Variants in EBF1 observed in about 807,000 individuals in gnomAD.
The protein encoded by EBF1 is EBF transcription factor 1, also known as transcription factor COE1.
EBF1 carries 10 observed loss-of-function variants against 68.4 expected under a neutral mutation model. That is an observed-to-expected ratio of 0.15 (90% CI 0.09 to 0.25). The LOEUF (loss-of-function observed/expected upper bound fraction) is 0.25, where lower values mean the gene tolerates loss of function less well. EBF1 is among the 10% of genes least tolerant of loss of function. The probability of loss-of-function intolerance (pLI) is 1.00; values close to 1 mark genes in which losing one functional copy is unlikely to be tolerated. For missense variants in EBF1, 509 were observed against 794.4 expected (o/e 0.64, Z 4.32); for synonymous variants, 298 against 299.8 (o/e 0.99, Z 0.06).
chr5:158,992,106 A>G lies in EBF1; in HGVS notation c.554+81290T>C, dbSNP rs114666917. ...TGAAAAATCTTTTTGTTAATGGTAAAGCCATTTAAAGGAAAAAAGGAGGTT... is the reference window on the plus strand; with the variant it reads ...TGAAAAATCTTTTTGTTAATGGTAAGGCCATTTAAAGGAAAAAAGGAGGTT... On this transcript the variant is annotated intron_variant, in intron 6 of 15. Coordinates refer to ENST00000313708, the MANE Select transcript of EBF1 (RefSeq NM_024007.5). Among the ~76,000 whole-genome samples the G allele has an allele frequency of 4.1e-3, 622 of 152,242 alleles. 4 individuals carry two copies. Among genetic ancestry groups the G allele is most frequent in the African/African-American group, 0.014 (569 of 41,524 alleles).
intron 6 of EBF1, among the ~76,000 whole-genome samples, chr5:158,971,429 G>A (rs1054245668): frequency 1.3e-5 from 2 of 152,148 alleles, no homozygotes; most frequent in African/African-American, 4.8e-5. Flanking sequence ...AAACATAAAC[G>A]AAATAACTTC....
chr5:158,840,130 C>G lies in EBF1; in HGVS notation c.555-20G>C, dbSNP rs1389656876. Reference sequence around the variant, plus strand: ...AAGAACCTGTGAAGAAACAAATCATCATGGTTAGCATTTCGGTTTCTGACA... The same window carrying G: ...AAGAACCTGTGAAGAAACAAATCATGATGGTTAGCATTTCGGTTTCTGACA... On this transcript the variant is annotated intron_variant, in intron 6 of 15. Coordinates refer to ENST00000313708, the MANE Select transcript of EBF1 (RefSeq NM_024007.5). 2 of 1,598,386 alleles carry G rather than the reference C, an allele frequency of 1.3e-6. No homozygotes were observed. The highest frequency in any genetic ancestry group is 1.7e-6 in the Non-Finnish European group (2 of 1,166,076).
intron 6 of EBF1, among the ~76,000 whole-genome samples, chr5:159,045,907 G>C (rs141155984): frequency 7.0e-4 from 107 of 152,228 alleles, no homozygotes; most frequent in African/African-American, 2.4e-3. Context: ...GATCCAGACA[G>C]TTCACCTTGA....
chr5:158,898,171 T>C (rs1802542416), intron 6 of EBF1, among the ~76,000 whole-genome samples: 1 of 152,230 alleles, frequency 6.6e-6, no homozygotes, highest in Non-Finnish European at 1.5e-5. Context: ...GTTATTATAG[T>C]ATATATACTT....
At chr5:158,776,279 G>A (rs960846743) in intron 10 of EBF1, among the ~76,000 whole-genome samples, 1 of 152,028 alleles carries the variant, frequency 6.6e-6, no homozygotes, top group Non-Finnish European at 1.5e-5. Context: ...ATTTCCAAGG[G>A]TCAGGATGCA....
chr5:159,050,284 CT>C (rs969898092), intron 6 of EBF1, among the ~76,000 whole-genome samples: 4 of 150,928 alleles, frequency 2.7e-5, no homozygotes, highest in African/African-American at 9.8e-5. Flanking sequence ...TCCTCTGCCC[CT>C]GTATCTATGA....
intron 6 of EBF1, among the ~76,000 whole-genome samples, chr5:158,899,458 G>C (rs1425144456): frequency 6.6e-6 from 1 of 152,218 alleles, no homozygotes; most frequent in Non-Finnish European, 1.5e-5. Flanking sequence ...TTTTGTGTGT[G>C]TGGTTTTGAT....
At chr5:158,886,721 G>A (rs1371748740) in intron 6 of EBF1, among the ~76,000 whole-genome samples, 1 of 152,178 alleles carries the variant, frequency 6.6e-6, no homozygotes, top group Non-Finnish European at 1.5e-5. Context: ...CTTTACAAAA[G>A]GAGACTTAGG....
At chr5:158,809,252 A>G (rs903745755) in intron 8 of EBF1, among the ~76,000 whole-genome samples, 5 of 152,174 alleles carry the variant, frequency 3.3e-5, no homozygotes, top group Admixed American at 3.3e-4. Flanking sequence ...CAGTAGGCAA[A>G]CAGACCATGT....
chr5:158,951,502 T>C (rs1029531540), intron 6 of EBF1, among the ~76,000 whole-genome samples: 3 of 152,244 alleles, frequency 2.0e-5, no homozygotes, highest in African/African-American at 7.2e-5. Context: ...CGGAGTATGC[T>C]AATTCCCCAA....
intron 6 of EBF1, among the ~76,000 whole-genome samples, chr5:158,995,650 T>C (rs903416844): frequency 2.0e-4 from 31 of 152,190 alleles, no homozygotes; most frequent in African/African-American, 7.5e-4. Flanking sequence ...CTTGGATATA[T>C]GCCTTACCCT....
At chr5:158,819,798 C>T (rs1200724776) in intron 8 of EBF1, among the ~76,000 whole-genome samples, 1 of 152,030 alleles carries the variant, frequency 6.6e-6, no homozygotes, top group African/African-American at 2.4e-5. Context: ...CTAAATGGTC[C>T]CATAAATATC....
chr5:159,009,272 G>A (rs1013144033), intron 6 of EBF1, among the ~76,000 whole-genome samples: 8 of 152,118 alleles, frequency 5.3e-5, no homozygotes, highest in Non-Finnish European at 8.8e-5. Context: ...AACAAAGAGC[G>A]CATGTTTTCT....
chr5:159,047,477 C>A, intron 6 of EBF1, among the ~76,000 whole-genome samples: 1 of 151,906 alleles, frequency 6.6e-6, no homozygotes, highest in East Asian at 1.9e-4. Flanking sequence ...GTTGGGGTGG[C>A]GCAAAGGGGA....
At chr5:158,865,491 C>A (rs1795719424) in intron 6 of EBF1, among the ~76,000 whole-genome samples, 1 of 152,144 alleles carries the variant, frequency 6.6e-6, no homozygotes, top group Non-Finnish European at 1.5e-5. Flanking sequence ...CTGTGGATGG[C>A]ATATAGTAAA....
intron 6 of EBF1, among the ~76,000 whole-genome samples, chr5:159,022,618 G>A (rs1282580648): frequency 6.6e-6 from 1 of 152,208 alleles, no homozygotes; most frequent in African/African-American, 2.4e-5. Context: ...ATGGGCTAAG[G>A]AATTAGGGGA....
At chr5:158,928,825 G>T (rs1230823679) in intron 6 of EBF1, among the ~76,000 whole-genome samples, 2 of 152,194 alleles carry the variant, frequency 1.3e-5, no homozygotes, top group East Asian at 1.9e-4. Flanking sequence ...GATCCAGGAA[G>T]CCAGTTTATA....
intron 15 of EBF1, among the ~76,000 whole-genome samples, chr5:158,706,551 C>T (rs1372182487): frequency 1.1e-4 from 16 of 152,178 alleles, no homozygotes. Flanking sequence ...ATCCAGCACA[C>T]AGTATGTGTA....
At chr5:159,020,484 A>G (rs915472222) in intron 6 of EBF1, among the ~76,000 whole-genome samples, 2 of 152,114 alleles carry the variant, frequency 1.3e-5, no homozygotes, top group Non-Finnish European at 2.9e-5. Flanking sequence ...TTCACCCTCA[A>G]TCGAGCGATG....
Sources: allele counts gnomAD v4.1 joint callset (sites outside exome capture counted in the v4.1 genomes callset), GRCh38; gene constraint gnomAD v4.1.1; transcripts MANE v1.5; gene names NCBI Gene and HGNC (gene_info 2026-07-23, HGNC 2026-07-21).